PRH1: variants seen among roughly 807,000 people sequenced by gnomAD.
PRH1 encodes the protein proline rich protein HaeIII subfamily 1.
In PRH1, 7 loss-of-function variants were observed where a neutral mutation model predicts 7.9. The ratio of observed to expected loss-of-function variants is 0.89; its 90% CI spans 0.50 to 1.67. The LOEUF (loss-of-function observed/expected upper bound fraction) is 1.67, where lower values mean the gene tolerates loss of function less well. PRH1 is among the 40% of genes most tolerant of loss of function. PRH1 has a pLI of 0.00. For synonymous variants in PRH1, 45 were observed against 80.8 expected (o/e 0.56, Z 2.38); for missense variants, 109 against 223.6 (o/e 0.49, Z 3.27).
chr12:11,039,828 T>C (rs1185408604), intron 1 of PRH1, among the ~76,000 whole-genome samples: 1 of 152,224 alleles, frequency 6.6e-6, no homozygotes, highest in Non-Finnish European at 1.5e-5. Flanking sequence ...TTCACAAACA[T>C]ACACACATAC....
intron 1 of PRH1, among the ~76,000 whole-genome samples, chr12:11,020,432 T>G (rs1340112244): frequency 6.2e-5 from 9 of 145,366 alleles, no homozygotes; most frequent in African/African-American, 1.0e-4. Context: ...ATATATATGA[T>G]GTGGAGTTAA....
At chr12:11,016,938 G>A (rs1315988925) in intron 1 of PRH1, among the ~76,000 whole-genome samples, 3 of 152,172 alleles carry the variant, frequency 2.0e-5, no homozygotes, top group Non-Finnish European at 2.9e-5. Context: ...AAAGTTGCAG[G>A]GGATGGTAGT....
chr12:11,009,411 T>C (rs1940972021), intron 1 of PRH1, among the ~76,000 whole-genome samples: 1 of 151,860 alleles, frequency 6.6e-6, no homozygotes, highest in African/African-American at 2.4e-5. Flanking sequence ...GGCTCCTAAA[T>C]ATATAGAGAT....
intron 2 of PRH1, chr12:10,891,688 T>C (rs1404687131): frequency 6.6e-6 from 1 of 152,248 alleles, no homozygotes; most frequent in Non-Finnish European, 1.5e-5. Context: ...GATGGTTTAT[T>C]ATTCACTGAA....
intron 2 of PRH1, chr12:10,909,412 C>A (rs923993190): frequency 4.2e-6 from 3 of 707,632 alleles, no homozygotes; most frequent in African/African-American, 1.8e-5. Context: ...CCTTTTTCTG[C>A]TCCTTCTTTC....
At chr12:10,969,335 T>C (rs1404993528) in intron 2 of PRH1, among the ~76,000 whole-genome samples, 1 of 151,914 alleles carries the variant, frequency 6.6e-6, no homozygotes, top group Non-Finnish European at 1.5e-5. Context: ...GGGCATAGGA[T>C]GAGGGGTGGG....
chr12:11,036,097 G>A (rs1404431557), intron 1 of PRH1, among the ~76,000 whole-genome samples: 2 of 152,152 alleles, frequency 1.3e-5, no homozygotes, highest in Middle Eastern at 3.2e-3. Context: ...GTTTTACTGT[G>A]TTCGCCAGGA....
At chr12:11,149,674 T>C (rs1245851863) in intron 1 of PRH1, among the ~76,000 whole-genome samples, 1 of 141,822 alleles carries the variant, frequency 7.1e-6, no homozygotes, top group African/African-American at 2.6e-5. Context: ...TAATTCAAGA[T>C]GGATTAAAGA....
intron 2 of PRH1, among the ~76,000 whole-genome samples, chr12:10,917,584 C>T (rs970496286): frequency 1.3e-5 from 2 of 152,130 alleles, no homozygotes; most frequent in Admixed American, 1.3e-4. Flanking sequence ...AAAGAATACC[C>T]AGTGAAGTCT....
chr12:11,098,006 A>T lies in PRH1; in HGVS notation n.124-50818T>A, dbSNP rs1171833269. ...TACTACATTTTAAAATTCGATAAGA[A>T]ACACGACCTCCAACAATTAGGATTC... is the stretch of plus-strand genomic sequence containing the variant. On this transcript the variant is annotated intron_variant and non_coding_transcript_variant, in intron 1 of 4. Transcript: ENST00000541977. 5.7e-5 allele frequency among the ~76,000 whole-genome samples: 5 copies of T among 87,762 alleles called. 2 individuals carry two copies. The highest frequency in any genetic ancestry group is 1.6e-4 in the African/African-American group (5 of 31,932). The allele number at this position is 87,762 out of a possible 152,430, so 57.6% of individuals were successfully genotyped here.
intron 1 of PRH1, among the ~76,000 whole-genome samples, chr12:11,147,294 C>T (rs559048847): frequency 1.3e-5 from 2 of 152,122 alleles, no homozygotes; most frequent in African/African-American, 4.8e-5. Flanking sequence ...AAGATCAGAT[C>T]CTCCCACCTC....
intron 1 of PRH1, among the ~76,000 whole-genome samples, chr12:11,110,763 C>A (rs1050044687): frequency 2.6e-4 from 39 of 152,194 alleles, no homozygotes; most frequent in Non-Finnish European, 5.1e-4. Flanking sequence ...GCAAAATAAC[C>A]AGCTAGCATC....
At chr12:11,009,516 G>T (rs148490396) in intron 1 of PRH1, among the ~76,000 whole-genome samples, 3 of 151,994 alleles carry the variant, frequency 2.0e-5, no homozygotes, top group African/African-American at 7.2e-5. Context: ...CCAGAAGTAT[G>T]TTAGATATTC....
chr12:10,940,131 A>G (rs1950374356), intron 2 of PRH1, among the ~76,000 whole-genome samples: 1 of 152,178 alleles, frequency 6.6e-6, no homozygotes, highest in South Asian at 2.1e-4. Flanking sequence ...ATCTTGTGGA[A>G]GACATTATTC....
At chr12:10,920,778 T>C (rs1347259647) in intron 2 of PRH1, among the ~76,000 whole-genome samples, 1 of 152,096 alleles carries the variant, frequency 6.6e-6, no homozygotes, top group African/African-American at 2.4e-5. Flanking sequence ...CTAACGAAAT[T>C]GTCAATAAAC....
At chr12:11,150,783 C>T (rs1399167927) in intron 1 of PRH1, among the ~76,000 whole-genome samples, 1 of 152,246 alleles carries the variant, frequency 6.6e-6, no homozygotes, top group East Asian at 1.9e-4. Context: ...AACTTACCTG[C>T]ACATTGTGCA....
At chr12:11,103,651 A>G (rs921276114) in intron 1 of PRH1, among the ~76,000 whole-genome samples, 1 of 152,126 alleles carries the variant, frequency 6.6e-6, no homozygotes. Flanking sequence ...ACAAACCTGC[A>G]CATTGTGCAC....
At chr12:11,009,118 G>A (rs34179102) in intron 1 of PRH1, among the ~76,000 whole-genome samples, 46,169 of 151,208 alleles carry the variant, frequency 0.31, 8,902 homozygotes, top group East Asian at 0.74. Flanking sequence ...CTTCTTGCAT[G>A]CTCAATTTTG....
intron 2 of PRH1, among the ~76,000 whole-genome samples, chr12:10,941,183 A>G (rs1054797510): frequency 1.8e-4 from 28 of 152,188 alleles, no homozygotes; most frequent in Non-Finnish European, 1.2e-4. Flanking sequence ...GATACTTTGA[A>G]AAGAGAGCAG....
Sources: gnomAD v4.1 joint callset for allele counts (sites outside exome capture counted in the v4.1 genomes callset) on GRCh38, gnomAD v4.1.1 for gene constraint, MANE v1.5 for transcripts, NCBI Gene and HGNC (gene_info 2026-07-23, HGNC 2026-07-21) for gene names.